Variants in CAMK1D observed in about 807,000 individuals in gnomAD.
CAMK1D encodes the protein calcium/calmodulin dependent protein kinase ID, also known as calcium/calmodulin-dependent protein kinase type 1D.
CAMK1D carries 9 observed loss-of-function variants against 47.7 expected under a neutral mutation model. The ratio of observed to expected loss-of-function variants is 0.19; its 90% confidence interval spans 0.11 to 0.33. CAMK1D has a LOEUF of 0.33. Among genes scored for constraint, CAMK1D ranks in the 10% least tolerant of loss-of-function variants. The probability of loss-of-function intolerance (pLI) is 1.00; values close to 1 mark genes in which losing one functional copy is unlikely to be tolerated. For synonymous variants in CAMK1D, 184 were observed against 184.9 expected, an observed-to-expected ratio of 0.99 and a Z score of 0.04; for missense variants, 291 against 488.7, an observed-to-expected ratio of 0.60 and a Z score of 3.81.
intron 3 of CAMK1D, among the ~76,000 whole-genome samples, chr10:12,708,594 G>A (rs1833817718): frequency 6.6e-6 from 1 of 152,202 alleles, no homozygotes; most frequent in Admixed American, 6.5e-5. Flanking sequence ...CAAAAGAGTT[G>A]ACGCTTTGCC....
chr10:12,422,787 C>T (rs777495053), intron 1 of CAMK1D, among the ~76,000 whole-genome samples: 3 of 151,962 alleles, frequency 2.0e-5, no homozygotes, highest in African/African-American at 4.8e-5. Flanking sequence ...ATTCTCTTGC[C>T]TCAGCCTCCT....
chr10:12,736,419 C>A (rs1835190946), intron 3 of CAMK1D, among the ~76,000 whole-genome samples: 1 of 152,184 alleles, frequency 6.6e-6, no homozygotes, highest in South Asian at 2.1e-4. Flanking sequence ...TAATTCTATT[C>A]GGCGAGTTCT....
intron 3 of CAMK1D, among the ~76,000 whole-genome samples, chr10:12,750,769 G>A (rs1219630014): frequency 6.6e-6 from 1 of 152,146 alleles, no homozygotes; most frequent in Non-Finnish European, 1.5e-5. Context: ...GAGGTAGGCA[G>A]GCCAGATGCC....
intron 1 of CAMK1D, among the ~76,000 whole-genome samples, chr10:12,379,109 C>T (rs1421232991): frequency 6.6e-6 from 1 of 152,096 alleles, no homozygotes; most frequent in Non-Finnish European, 1.5e-5. Context: ...TGCACCTGAC[C>T]AAGCATGCAT....
chr10:12,660,757 A>T (rs1840251752), intron 2 of CAMK1D, among the ~76,000 whole-genome samples: 1 of 152,184 alleles, frequency 6.6e-6, no homozygotes, highest in South Asian at 2.1e-4. Context: ...AAGTGATGAA[A>T]ATTAAGTTGA....
At chr10:12,758,326 A>G (rs1836330699) in intron 3 of CAMK1D, among the ~76,000 whole-genome samples, 1 of 151,538 alleles carries the variant, frequency 6.6e-6, no homozygotes, top group Non-Finnish European at 1.5e-5. Flanking sequence ...TGAAAAGTAC[A>G]AAGAGATTTG....
intron 8 of CAMK1D, among the ~76,000 whole-genome samples, chr10:12,820,775 A>C (rs1412100658): frequency 6.6e-6 from 1 of 152,176 alleles, no homozygotes; most frequent in Non-Finnish European, 1.5e-5. Context: ...GCCTCTTAGC[A>C]GATGGCTCCC....
At chr10:12,680,884 CAAAAA>C in intron 3 of CAMK1D, among the ~76,000 whole-genome samples, 1 of 140,410 alleles carries the variant, frequency 7.1e-6, no homozygotes, top group Middle Eastern at 3.7e-3. Context: ...GACCATGTCT[CAAAAA>C]AAAAAAAAAA....
chr10:12,568,562 C>T lies in CAMK1D; in HGVS notation c.224+15206C>T, dbSNP rs1029651493. Among the ~76,000 whole-genome samples the T allele has an allele frequency of 7.2e-4, 93 of 128,892 alleles. 1 individual carries two copies. Among genetic ancestry groups the T allele is most frequent in the African/African-American group, 2.3e-3 (79 of 35,026 alleles). 84.6% of individuals were successfully genotyped at this position (128,892 alleles called of 152,430 possible). On this transcript the variant is annotated intron_variant, in intron 2 of 10. Coordinates refer to ENST00000619168, the MANE Select transcript of CAMK1D (RefSeq NM_153498.4). ...CTTCCTGGTTGCAGAGCAGGGCTAA[C>T]GCCTAGGCCATGTGCCCAGAGTCAG...
At chr10:12,565,051 A>G (rs763388854) in intron 2 of CAMK1D, among the ~76,000 whole-genome samples, 2 of 152,128 alleles carry the variant, frequency 1.3e-5, no homozygotes, top group Non-Finnish European at 2.9e-5. Flanking sequence ...TCTATGGAAA[A>G]TCAAAGAAAA....
intron 2 of CAMK1D, among the ~76,000 whole-genome samples, chr10:12,596,601 C>T (rs1838153150): frequency 6.6e-6 from 1 of 152,126 alleles, no homozygotes; most frequent in Admixed American, 6.6e-5. Flanking sequence ...TAGGTAGAGT[C>T]CATCTGAAAC....
At chr10:12,736,828 G>A (rs1461424833) in intron 3 of CAMK1D, among the ~76,000 whole-genome samples, 4 of 152,188 alleles carry the variant, frequency 2.6e-5, no homozygotes, top group Non-Finnish European at 1.5e-5. Flanking sequence ...GGAACTGGCA[G>A]AACTCAGCAT....
chr10:12,572,876 T>C (rs1837370489), intron 2 of CAMK1D, among the ~76,000 whole-genome samples: 1 of 152,116 alleles, frequency 6.6e-6, no homozygotes, highest in South Asian at 2.1e-4. Flanking sequence ...CAAGCCATCC[T>C]CCCACTTTTC....
intron 3 of CAMK1D, among the ~76,000 whole-genome samples, chr10:12,734,381 T>TATAG (rs1289797969): frequency 1.4e-3 from 3 of 2,164 alleles, no homozygotes; most frequent in African/African-American, 1.9e-3. Flanking sequence ...TATATATAGA[T>TATAG]ATAGATATAG....
chr10:12,722,182 G>A (rs549864359), intron 3 of CAMK1D, among the ~76,000 whole-genome samples: 37 of 152,136 alleles, frequency 2.4e-4, no homozygotes, highest in South Asian at 1.0e-3. Context: ...GGTGGCTCAC[G>A]CCTGTAATCC....
At chr10:12,722,147 T>C (rs965308502) in intron 3 of CAMK1D, among the ~76,000 whole-genome samples, 4 of 152,084 alleles carry the variant, frequency 2.6e-5, no homozygotes, top group African/African-American at 9.7e-5. Context: ...CATGGTAGAC[T>C]TTAAGATAAC....
intron 2 of CAMK1D, among the ~76,000 whole-genome samples, chr10:12,586,161 G>C (rs773961076): frequency 6.6e-6 from 1 of 152,290 alleles, no homozygotes. Context: ...CAAACCTGGA[G>C]AAAGTCTTCC....
At chr10:12,370,598 A>G (rs1837975218) in intron 1 of CAMK1D, among the ~76,000 whole-genome samples, 1 of 152,124 alleles carries the variant, frequency 6.6e-6, no homozygotes, top group South Asian at 2.1e-4. Flanking sequence ...AACTACGCTA[A>G]TGTGTGTGTT....
chr10:12,822,266 C>T (rs1432973440), intron 8 of CAMK1D, among the ~76,000 whole-genome samples: 2 of 152,164 alleles, frequency 1.3e-5, no homozygotes, highest in South Asian at 2.1e-4. Flanking sequence ...GGGAGGGCCA[C>T]GGTGCACTAT....
Sources: gnomAD v4.1 joint callset for allele counts (sites outside exome capture counted in the v4.1 genomes callset) on GRCh38, gnomAD v4.1.1 for gene constraint, MANE v1.5 for transcripts, NCBI Gene and HGNC (gene_info 2026-07-23, HGNC 2026-07-21) for gene names.